The following KLF15 variants were observed in gnomAD, a reference collection of about 807,000 sequenced individuals.
The protein encoded by KLF15 is KLF transcription factor 15.
A neutral mutation model predicts 24.6 loss-of-function variants in KLF15; 4 were observed. The ratio of observed to expected loss-of-function variants is 0.16; its 90% CI spans 0.08 to 0.37. The LOEUF (loss-of-function observed/expected upper bound fraction) is 0.37, where lower values mean the gene tolerates loss of function less well. Ranked by LOEUF, KLF15 falls within the 10% of genes least tolerant of loss-of-function variation. The pLI, the probability that KLF15 is intolerant of heterozygous loss-of-function variation, is 1.00. For missense variants in KLF15, 496 were observed against 560.6 expected (o/e 0.88, Z 1.16); for synonymous variants, 246 against 236.3 (o/e 1.04, Z -0.37).
chr3:126,353,269 G>A (rs1331010920), intron 1 of KLF15, among the ~76,000 whole-genome samples: 2 of 152,214 alleles, frequency 1.3e-5, no homozygotes, highest in African/African-American at 2.4e-5. Context: ...AAGGGCATGC[G>A]CGAGGAGGCT....
At chr3:126,328,081 C>G in the KLF15 span, among the ~76,000 whole-genome samples, 2 of 147,584 alleles carry the variant, frequency 1.4e-5, no homozygotes, top group Non-Finnish European at 3.0e-5. Flanking sequence ...CCTTGCCCCC[C>G]TCTTACTCTT....
downstream of KLF15, among the ~76,000 whole-genome samples, chr3:126,342,381 T>G (rs1331113257): frequency 6.6e-6 from 1 of 152,142 alleles, no homozygotes; most frequent in East Asian, 1.9e-4. Flanking sequence ...GCTGTCGGAA[T>G]GTGGGCTGGA....
chr3:126,300,900 C>T, the KLF15 span, among the ~76,000 whole-genome samples: 1 of 152,176 alleles, frequency 6.6e-6, no homozygotes, highest in African/African-American at 2.4e-5. Context: ...GAACGTCAGG[C>T]CAGGGCAAGA....
At chr3:126,342,072 G>T (rs1363931145), downstream of KLF15, among the ~76,000 whole-genome samples, 1 of 152,158 alleles carries the variant, frequency 6.6e-6, no homozygotes, top group Non-Finnish European at 1.5e-5. Flanking sequence ...AAGACCCCAG[G>T]CATGTTGGGG....
At chr3:126,314,796 C>T in the KLF15 span, among the ~76,000 whole-genome samples, 6 of 152,230 alleles carry the variant, frequency 3.9e-5, no homozygotes, top group African/African-American at 1.4e-4. Flanking sequence ...GCATCAGCAT[C>T]GTTCTCTCTG....
downstream of KLF15, among the ~76,000 whole-genome samples, chr3:126,339,325 C>A (rs1472924317): frequency 3.9e-5 from 6 of 152,186 alleles, no homozygotes; most frequent in Non-Finnish European, 7.4e-5. Context: ...CTTTTGTTTT[C>A]TTGCAATCCC....
At chr3:126,318,334 A>G in the KLF15 span, among the ~76,000 whole-genome samples, 2 of 152,192 alleles carry the variant, frequency 1.3e-5, no homozygotes, top group Non-Finnish European at 2.9e-5. Flanking sequence ...CCATATGCCC[A>G]GGGATTAGCC....
the KLF15 span, among the ~76,000 whole-genome samples, chr3:126,310,305 C>T: frequency 6.6e-6 from 1 of 152,252 alleles, no homozygotes; most frequent in Non-Finnish European, 1.5e-5. Flanking sequence ...GGCCCAAGCT[C>T]CAGGCAGCCC....
At chr3:126,344,018 C>T (rs999987287) in intron 2 of KLF15, 123 bp from the exon 3 acceptor site, 2 of 958,710 alleles carry the variant, frequency 2.1e-6, no homozygotes, top group African/African-American at 1.7e-5. Context: ...CTGCGCAGAC[C>T]TGCAGCCTCT....
the KLF15 span, among the ~76,000 whole-genome samples, chr3:126,307,231 A>C: frequency 6.6e-6 from 1 of 151,798 alleles, no homozygotes; most frequent in Non-Finnish European, 1.5e-5. Flanking sequence ...CTCCCAAAGG[A>C]CTTGACCACC....
chr3:126,351,099 T>A (rs2082578907), intron 2 of KLF15, among the ~76,000 whole-genome samples: 2 of 131,272 alleles, frequency 1.5e-5, no homozygotes, highest in Admixed American at 7.7e-5. Context: ...TGCTCCCTGG[T>A]TGGGAGACTA....
the KLF15 span, among the ~76,000 whole-genome samples, chr3:126,294,580 A>G: frequency 6.6e-6 from 1 of 152,184 alleles, no homozygotes; most frequent in Non-Finnish European, 1.5e-5. Flanking sequence ...CAGTCAGTCC[A>G]AAGGGTGGCT....
At chr3:126,316,521 T>TGGGAGGGAGTACATGGGCCGGAGTA in the KLF15 span, among the ~76,000 whole-genome samples, 8 of 25,484 alleles carry the variant, frequency 3.1e-4, no homozygotes, top group African/African-American at 1.7e-3. Flanking sequence ...TGAGCTGCAG[T>TGGGAGGGAGTACATGGGCCGGAGTA]GGGGAGGGAG....
At chr3:126,338,327 C>A (rs1201591956), downstream of KLF15, among the ~76,000 whole-genome samples, 2 of 152,212 alleles carry the variant, frequency 1.3e-5, no homozygotes, top group African/African-American at 4.8e-5. Context: ...ACCGTCCACG[C>A]CTTGTCCAGG....
chr3:126,309,409 C>T, the KLF15 span, among the ~76,000 whole-genome samples: 6 of 152,316 alleles, frequency 3.9e-5, no homozygotes, highest in East Asian at 3.9e-4. Flanking sequence ...CTCCCTGCTG[C>T]GGTGAGAGTC....
At chr3:126,315,050 C>T in the KLF15 span, among the ~76,000 whole-genome samples, 2 of 152,088 alleles carry the variant, frequency 1.3e-5, no homozygotes, top group East Asian at 1.9e-4. Flanking sequence ...TCCAAGTCCC[C>T]CTCCTGGCTC....
chr3:126,294,872 C>CAT, the KLF15 span, among the ~76,000 whole-genome samples: 4 of 99,492 alleles, frequency 4.0e-5, no homozygotes, highest in Non-Finnish European at 1.0e-4. Context: ...CATACACACA[C>CAT]ACACACACAC....
chr3:126,303,529 T>C, the KLF15 span, among the ~76,000 whole-genome samples: 1 of 152,272 alleles, frequency 6.6e-6, no homozygotes, highest in South Asian at 2.1e-4. Flanking sequence ...CCTCTGTATG[T>C]AATATGCCTT....
At chr3:126,344,923 G>C (rs2082520418) in intron 2 of KLF15, among the ~76,000 whole-genome samples, 2 of 152,176 alleles carry the variant, frequency 1.3e-5, no homozygotes. Flanking sequence ...TGGACTGCTT[G>C]CCACCAACCT....
Sources: gnomAD v4.1 joint callset for allele counts (sites outside exome capture counted in the v4.1 genomes callset) on GRCh38, gnomAD v4.1.1 for gene constraint, MANE v1.5 for transcripts, NCBI Gene and HGNC (gene_info 2026-07-23, HGNC 2026-07-21) for gene names.